The following MYBPC1 variants were observed in gnomAD, a reference collection of about 807,000 sequenced individuals.
The protein encoded by MYBPC1 is myosin-binding protein C, slow-type.
Under a neutral mutation model 147.1 loss-of-function variants are expected in MYBPC1, and 52 were observed. That is an observed-to-expected ratio of 0.35 (90% confidence interval 0.28 to 0.45). The LOEUF is 0.45. MYBPC1 is among the 20% of genes least tolerant of loss of function. The probability of loss-of-function intolerance (pLI) is 1.00; values close to 1 mark genes in which losing one functional copy is unlikely to be tolerated. For synonymous variants in MYBPC1, 477 were observed against 475.9 expected (o/e 1.00, Z -0.03); for missense variants, 1,228 against 1,440.3 (o/e 0.85, Z 2.39).
At chr12:101,688,282 G>C (rs141233873), downstream of MYBPC1, among the ~76,000 whole-genome samples, 1,109 of 152,148 alleles carry the variant, frequency 7.3e-3, 14 homozygotes, top group African/African-American at 0.024. Flanking sequence ...AGTTGGGCGT[G>C]GTGGCACACA....
intron 6 of MYBPC1, among the ~76,000 whole-genome samples, chr12:101,631,282 T>C (rs1270613246): frequency 6.6e-6 from 1 of 152,212 alleles, no homozygotes; most frequent in African/African-American, 2.4e-5. Flanking sequence ...TGTCCATATA[T>C]ATGAAATAAA....
At chr12:101,666,562 C>T (rs1175632700) in intron 22 of MYBPC1, 6 of 610,400 alleles carry the variant, frequency 9.8e-6, no homozygotes, top group African/African-American at 9.1e-5. Context: ...CTGCACAGAG[C>T]AGGCTGTGCT....
chr12:101,685,584 G>C lies in MYBPC1; in HGVS notation c.*22G>C. The stretch of plus-strand genomic sequence containing the variant: ...GTTTTCCTTTTGGTCCTCTCTAGGT[G>C]GGCTCTCCTTCTGCAGACTCCTCTT... On this transcript the variant is annotated splice_region_variant and 3_prime_UTR_variant, in exon 32 of 32. Transcript: ENST00000361466. The C allele has an allele frequency of 6.6e-7, 1 of 1,526,216 alleles. No individual in the cohort carries two copies. Among genetic ancestry groups the C allele is most frequent in the Non-Finnish European group, 8.8e-7 (1 of 1,138,226 alleles). The allele number at this position is 1,526,216 out of a possible 1,614,324, so 94.5% of individuals were successfully genotyped here. A position where few individuals can be genotyped will look rare whatever the true frequency, so the allele number is the denominator to read the frequency against.
intron 27 of MYBPC1, 131 bp downstream of exon 27, chr12:101,677,525 G>A: frequency 8.9e-7 from 1 of 1,118,250 alleles, no homozygotes; most frequent in Non-Finnish European, 1.3e-6. Flanking sequence ...TGATAATGGT[G>A]TTCAAGTAAA....
intron 30 of MYBPC1, among the ~76,000 whole-genome samples, chr12:101,683,223 A>G (rs73388501): frequency 0.011 from 1,677 of 152,212 alleles, 19 homozygotes; most frequent in African/African-American, 0.038. Flanking sequence ...TGATCCCAGG[A>G]GTCCAAGATC....
intron 3 of MYBPC1, among the ~76,000 whole-genome samples, chr12:101,626,448 G>A (rs1888638504): frequency 6.6e-6 from 1 of 152,136 alleles, no homozygotes; most frequent in African/African-American, 2.4e-5. Context: ...TTCTCAGATA[G>A]TACATATATA....
intron 3 of MYBPC1, among the ~76,000 whole-genome samples, chr12:101,624,945 G>A (rs1001385498): frequency 6.6e-6 from 1 of 151,984 alleles, no homozygotes; most frequent in African/African-American, 2.4e-5. Flanking sequence ...GAAGGGATGG[G>A]TAGTGTTTCT....
intron 25 of MYBPC1, among the ~76,000 whole-genome samples, chr12:101,674,081 A>G (rs994981410): frequency 6.6e-6 from 1 of 152,178 alleles, no homozygotes; most frequent in Non-Finnish European, 1.5e-5. Context: ...ATTTGTTACC[A>G]TTTCAAAATG....
Position 101,614,509 on chromosome 12 carries a change from A to G in MYBPC1, c.39A>G (p.Pro13=). ...TTCCATTTCTAGAAAATGAAGTGCC[A>G]GCCCCAGCCCCACCCCCGGAAGGTG... ...EPTKKEENEV[P]APAPPPEEPS... The change falls in exon 2 of 32, where the codon CCA becomes CCG. Residue 13 remains proline (P), a synonymous_variant. Transcript: ENST00000361466. The G allele has an allele frequency of 6.2e-7, 1 of 1,613,814 alleles. No homozygotes were observed. The highest frequency in any genetic ancestry group is 1.7e-5 in the Admixed American group (1 of 59,992).
At chr12:101,643,743 T>C (rs1190377187) in intron 11 of MYBPC1, among the ~76,000 whole-genome samples, 1 of 152,212 alleles carries the variant, frequency 6.6e-6, no homozygotes, top group African/African-American at 2.4e-5. Flanking sequence ...AAGACAACTT[T>C]TTTTTTAATT....
At chr12:101,607,770 G>A (rs75674382) in intron 1 of MYBPC1, among the ~76,000 whole-genome samples, 3,296 of 152,294 alleles carry the variant, frequency 0.022, 122 homozygotes, top group East Asian at 0.12. Flanking sequence ...ACGGGAAGAA[G>A]AGAACTGGGT....
At chr12:101,665,865 G>A (rs1200483290) in intron 22 of MYBPC1, among the ~76,000 whole-genome samples, 1 of 152,204 alleles carries the variant, frequency 6.6e-6, no homozygotes, top group Non-Finnish European at 1.5e-5. Context: ...GTTTAAAGAT[G>A]TATCTCTTTT....
intron 23 of MYBPC1, among the ~76,000 whole-genome samples, chr12:101,669,052 A>C (rs1161952734): frequency 3.3e-5 from 5 of 152,164 alleles, no homozygotes; most frequent in Non-Finnish European, 7.3e-5. Flanking sequence ...ACGCCACTGC[A>C]CTTCAGCCTG....
chr12:101,599,138 G>C (rs1280660458), intron 1 of MYBPC1, among the ~76,000 whole-genome samples: 1 of 152,120 alleles, frequency 6.6e-6, no homozygotes, highest in Non-Finnish European at 1.5e-5. Context: ...CCAATCACAG[G>C]TTCCTTTATG....
In MYBPC1 at chr12:101,608,037, C is replaced by T. The variant is rs113153966; in HGVS notation, c.26-6459C>T. On this transcript the variant is annotated intron_variant, in intron 1 of 31. Transcript: ENST00000361466. ...CTATTTCATAGCTGCCACCAGTGCC[C>T]GTCAATTAGAATGCCTTGGCACAGG... Among the ~76,000 whole-genome samples the T allele has an allele frequency of 4.8e-3, 726 of 152,274 alleles. 4 individuals are homozygous for T. The highest frequency in any genetic ancestry group is 9.5e-3 in the African/African-American group (396 of 41,550).
chr12:101,659,130 T>C (rs1244594959), intron 18 of MYBPC1, among the ~76,000 whole-genome samples: 2 of 152,246 alleles, frequency 1.3e-5, no homozygotes, highest in African/African-American at 4.8e-5. Flanking sequence ...GTGCATTCTT[T>C]TATGTTTTTA....
At chr12:101,684,474 C>A in intron 31 of MYBPC1, 50 bp downstream of exon 31, 1 of 1,363,194 alleles carries the variant, frequency 7.3e-7, no homozygotes, top group Non-Finnish European at 1.0e-6. Context: ...TGTCATAAGC[C>A]ATACCAAGCC....
rs1055707765 is a variant in MYBPC1, at chr12:101,667,964, C to T, written c.2524+65C>T. ...ATGGTTCACTTTTTTTTTCTTCAAACTACTTTCTTTCTCAAAACCTCCTAT... is the reference window on the plus strand; with the variant it reads ...ATGGTTCACTTTTTTTTTCTTCAAATTACTTTCTTTCTCAAAACCTCCTAT... On this transcript the variant is annotated intron_variant, in intron 23 of 31. Coordinates refer to ENST00000361466, the MANE Select transcript of MYBPC1 (RefSeq NM_002465.4). 77 of 1,547,026 alleles carry T rather than the reference C, an allele frequency of 5.0e-5. No individual in the cohort carries two copies. The African/African-American group carries it at 6.0e-4, about 12-fold the overall frequency.
chr12:101,689,424 A>C (rs10778139), downstream of MYBPC1, among the ~76,000 whole-genome samples: 3 of 151,898 alleles, frequency 2.0e-5, no homozygotes, highest in Admixed American at 6.6e-5. Flanking sequence ...CTTTTAGTTT[A>C]ATGGTCAAAC....
Sources: allele counts gnomAD v4.1 joint callset (sites outside exome capture counted in the v4.1 genomes callset), GRCh38; gene constraint gnomAD v4.1.1; transcripts MANE v1.5; gene names NCBI Gene and HGNC (gene_info 2026-07-23, HGNC 2026-07-21).